The following IFI27 variants were observed in gnomAD, a reference collection of about 807,000 sequenced individuals.
IFI27 encodes the protein interferon alpha inducible protein 27, also known as interferon alpha-inducible protein 27, mitochondrial.
A neutral mutation model predicts 8.9 loss-of-function variants in IFI27; 3 were observed. That is an observed-to-expected ratio of 0.34 (90% CI 0.15 to 0.87). IFI27 has a LOEUF of 0.87. Among genes scored for constraint, IFI27 ranks in the 40% least tolerant of loss-of-function variants. The probability of loss-of-function intolerance (pLI) is 0.51; values close to 1 mark genes in which losing one functional copy is unlikely to be tolerated. For synonymous variants in IFI27, 66 were observed against 67.3 expected (o/e 0.98, Z 0.09); for missense variants, 152 against 157.7 (o/e 0.96, Z 0.19).
In IFI27 at chr14:94,115,750, C is replaced by T. The variant is rs753328899; in HGVS notation, c.122-31C>T. ...TATCTGGGGGGGTCCCTTCTGAGCC[C>T]ACGCACCGACCCAGCTCCTCTTCCC... On this transcript the variant is annotated intron_variant, in intron 3 of 4. Coordinates refer to ENST00000621160, the Ensembl canonical transcript of IFI27. The T allele has an allele frequency of 6.9e-6, 11 of 1,595,126 alleles. No homozygotes were observed. In the South Asian group the frequency reaches 1.0e-4, roughly 15 times the overall value.
chr14:94,109,869 C>G (rs567680939), upstream of IFI27, among the ~76,000 whole-genome samples: 101 of 152,378 alleles, frequency 6.6e-4, no homozygotes, highest in Middle Eastern at 6.8e-3. Context: ...TCCGCCTGTT[C>G]TCAAAGCAGC....
In IFI27 at chr14:94,111,574, C is replaced by T. The variant is rs1239969645; in HGVS notation, c.-58-51C>T. 1.2e-6 allele frequency: 1 copy of T among 853,878 alleles called. No homozygotes were observed. The highest frequency in any genetic ancestry group is 2.6e-5 in the East Asian group (1 of 39,200). The allele number at this position is 853,878 out of a possible 1,614,324, so 52.9% of individuals were successfully genotyped here. On this transcript the variant is annotated intron_variant, in intron 1 of 4. Coordinates refer to ENST00000621160, the Ensembl canonical transcript of IFI27. This position sits in a 1 kb window ranked among gnomAD's most constrained non-coding sequence, Gnocchi z 4.3. Reference sequence around the variant, plus strand: ...TCACATTTTTCAGGACAGTGGGAAGCAAGTCAGGTTGTGTGCCCATCCCGT... The same window carrying T: ...TCACATTTTTCAGGACAGTGGGAAGTAAGTCAGGTTGTGTGCCCATCCCGT...
chr14:94,108,287 C>G (rs139439990), upstream of IFI27, among the ~76,000 whole-genome samples: 2 of 152,108 alleles, frequency 1.3e-5, no homozygotes, highest in African/African-American at 2.4e-5. Context: ...TGAATAGTGC[C>G]GCAATAAACA....
chr14:94,109,225 C>T (rs1887064951), upstream of IFI27, among the ~76,000 whole-genome samples: 1 of 151,450 alleles, frequency 6.6e-6, no homozygotes, highest in Non-Finnish European at 1.5e-5. Context: ...AATCACTCCA[C>T]CGGGAGGTGG....
At position 94,116,140 on chromosome 14, in the gene IFI27, A is replaced by G. The variant is rs1046931961; in HGVS notation, c.283+198A>G. On this transcript the variant is annotated intron_variant, in intron 4 of 4. Coordinates refer to ENST00000621160, the Ensembl canonical transcript of IFI27. The surrounding 1 kb of genome is among the most constrained non-coding windows in gnomAD (Gnocchi z 4.3). The stretch of plus-strand genomic sequence containing the variant: ...AGCCAGGAACAGTGCACTCAGGAAG[A>G]CTCAGCCCGAAGCAGATTTGCTGGG... 28 of 761,820 alleles carry G rather than the reference A, an allele frequency of 3.7e-5. No individual in the cohort carries two copies. The highest frequency in any genetic ancestry group is 6.1e-5 in the Non-Finnish European group (27 of 440,494). 47.2% of individuals were successfully genotyped at this position (761,820 alleles called of 1,614,324 possible). A position where few individuals can be genotyped will look rare whatever the true frequency, so the allele number is the denominator to read the frequency against.
upstream of IFI27, among the ~76,000 whole-genome samples, chr14:94,109,101 C>T (rs916653828): frequency 4.6e-5 from 7 of 151,834 alleles, no homozygotes; most frequent in Non-Finnish European, 7.4e-5. Flanking sequence ...TGAGACCAGC[C>T]GGGCCAACAT....
At position 94,111,805 on chromosome 14, in the gene IFI27, G is replaced by A. The variant is rs1887201164; in HGVS notation, c.91+32G>A. The A allele has an allele frequency of 1.9e-6, 3 of 1,548,024 alleles. No individual in the cohort carries two copies. The highest frequency in any genetic ancestry group is 2.2e-5 in the South Asian group (2 of 89,724). On this transcript the variant is annotated intron_variant, in intron 2 of 4. Transcript: ENST00000621160. The surrounding 1 kb of genome is among the most constrained non-coding windows in gnomAD (Gnocchi z 4.3). ...GTTCCTGGGAGGGGCTGGTGCTGGG[G>A]GCGAGGAGGCGGCTGGGAAGGGCGG...
At position 94,116,376 on chromosome 14, in the gene IFI27, C is replaced by A; in HGVS notation, c.284-66C>A. The A allele has an allele frequency of 8.8e-7, 1 of 1,141,154 alleles. No individual in the cohort carries two copies. The allele number at this position is 1,141,154 out of a possible 1,614,324, so 70.7% of individuals were successfully genotyped here. A position where few individuals can be genotyped will look rare whatever the true frequency, so the allele number is the denominator to read the frequency against. On this transcript the variant is annotated intron_variant, in intron 4 of 4. Transcript: ENST00000621160. The surrounding 1 kb of genome is among the most constrained non-coding windows in gnomAD (Gnocchi z 4.3). ...AGGGTCACTGGAGTCTCTGACCCCACAGTCCTGCCCACAGAGCTTCCCCGA... is the reference window on the plus strand; with the variant it reads ...AGGGTCACTGGAGTCTCTGACCCCAAAGTCCTGCCCACAGAGCTTCCCCGA...
Position 94,111,702 on chromosome 14 carries a change from C to T in IFI27, c.20C>T (p.Thr7Ile), listed in dbSNP as rs774718963. Reference sequence around the variant, plus strand: ...GCAGGCATGGAGGCCTCTGCTCTCACCTCATCAGCAGTGACCAGTGTGGCC... The same window carrying T: ...GCAGGCATGGAGGCCTCTGCTCTCATCTCATCAGCAGTGACCAGTGTGGCC... The change falls in exon 2 of 5, where the codon ACC becomes ATC. Residue 7 changes from threonine to isoleucine, a missense_variant. Transcript: ENST00000621160. The surrounding 1 kb of genome is among the most constrained non-coding windows in gnomAD (Gnocchi z 4.3). The T allele has an allele frequency of 2.5e-6, 4 of 1,614,166 alleles. No homozygotes were observed. Among genetic ancestry groups the T allele is most frequent in the South Asian group, 2.2e-5 (2 of 91,086 alleles).
In IFI27 at chr14:94,111,801, TG is replaced by T. The variant is rs1241444510; in HGVS notation, c.91+33del. On this transcript the variant is annotated intron_variant, in intron 2 of 4. Transcript: ENST00000621160. This position sits in a 1 kb window ranked among gnomAD's most constrained non-coding sequence, Gnocchi z 4.3. Reference sequence around the variant, plus strand: ...GAGTGTTCCTGGGAGGGGCTGGTGCTGGGGGCGAGGAGGCGGCTGGGAAGGG... The same window carrying T: ...GAGTGTTCCTGGGAGGGGCTGGTGCTGGGGCGAGGAGGCGGCTGGGAAGGG... 3 of 1,565,116 alleles carry T rather than the reference TG, an allele frequency of 1.9e-6. No homozygotes were observed. The African/African-American group carries it at 4.1e-5, about 21-fold the overall frequency.
intron 2 of IFI27, chr14:94,112,020 C>T: frequency 1.7e-6 from 1 of 586,894 alleles, no homozygotes; most frequent in South Asian, 2.0e-5. Context: ...CCCGGGCCTC[C>T]TCCTGCCTAG....
Position 94,116,426 on chromosome 14 carries a change from C to G in IFI27, c.284-16C>G. The G allele has an allele frequency of 3.1e-6, 5 of 1,592,076 alleles. No homozygotes were observed. Among genetic ancestry groups the G allele is most frequent in the Non-Finnish European group, 4.3e-6 (5 of 1,163,070 alleles). ...ACAGGCATGTCCCACTCTGTCCACC[C>G]TCTGCTTCTTCCCAGGAGCAACTGG... is the stretch of plus-strand genomic sequence containing the variant. On this transcript the variant is annotated splice_polypyrimidine_tract_variant and intron_variant, in intron 4 of 4. Transcript: ENST00000621160. This position sits in a 1 kb window ranked among gnomAD's most constrained non-coding sequence, Gnocchi z 4.3.
chr14:94,110,753 G>A (rs1306623053), exon 1 of IFI27: 2 of 152,304 alleles, frequency 1.3e-5, no homozygotes, highest in Admixed American at 6.5e-5. Context: ...CCAAGCTTAA[G>A]ACGGTGAGGT....
upstream of IFI27, among the ~76,000 whole-genome samples, chr14:94,107,356 C>G (rs1008261965): frequency 1.3e-5 from 2 of 152,202 alleles, no homozygotes; most frequent in Non-Finnish European, 2.9e-5. Flanking sequence ...CAGGCGTGAG[C>G]CACCACTCCC....
At chr14:94,110,062 C>T (rs1260177250), upstream of IFI27, among the ~76,000 whole-genome samples, 1 of 152,220 alleles carries the variant, frequency 6.6e-6, no homozygotes, top group Non-Finnish European at 1.5e-5. Flanking sequence ...CTCCCCTGCC[C>T]ACCTGCTGAG....
At chr14:94,113,375 GC>G (rs768543495) in intron 2 of IFI27, 2 of 152,232 alleles carry the variant, frequency 1.3e-5, no homozygotes, top group Non-Finnish European at 2.9e-5. Context: ...GGTGGTGCAT[GC>G]CTGTAATCCC....
rs1353577767 is a variant in IFI27 at position 94,111,064 on chromosome 14, AGT to A, written c.-59+270_-59+271del. 3 of 154,360 alleles carry A rather than the reference AGT, an allele frequency of 1.9e-5. No homozygotes were observed. Among genetic ancestry groups the A allele is most frequent in the Non-Finnish European group, 4.4e-5 (3 of 68,250 alleles). The allele number at this position is 154,360 out of a possible 1,614,324, so 9.6% of individuals were successfully genotyped here. A position where few individuals can be genotyped will look rare whatever the true frequency, so the allele number is the denominator to read the frequency against. On this transcript the variant is annotated intron_variant, in intron 1 of 4. Transcript: ENST00000621160. The surrounding 1 kb of genome is among the most constrained non-coding windows in gnomAD (Gnocchi z 4.3). Reference sequence around the variant, plus strand: ...GTAAAGTGGGCAAGGGGAAGAGATAAGTGTTAGGAGGAACCAAGTCGAAGCCA... The same window carrying A: ...GTAAAGTGGGCAAGGGGAAGAGATAAGTTAGGAGGAACCAAGTCGAAGCCA...
Position 94,111,631 on chromosome 14 carries a change from C to A in IFI27, c.-52C>A. ...AGCTCCATCCCTTCGGCAGGTCTGG[C>A]TGAAGTTGAGGATCTCTTACTCTCT... On this transcript the variant is annotated 5_prime_UTR_variant, in exon 2 of 5. It adds an upstream start codon to the 5' untranslated region. Transcript: ENST00000621160. This position sits in a 1 kb window ranked among gnomAD's most constrained non-coding sequence, Gnocchi z 4.3. The A allele has an allele frequency of 6.8e-7, 1 of 1,480,980 alleles. No homozygotes were observed. The highest frequency in any genetic ancestry group is 9.4e-7 in the Non-Finnish European group (1 of 1,059,304). The allele number at this position is 1,480,980 out of a possible 1,614,324, so 91.7% of individuals were successfully genotyped here.
chr14:94,112,623 C>T (rs556362591), intron 2 of IFI27, among the ~76,000 whole-genome samples: 15 of 152,374 alleles, frequency 9.8e-5, no homozygotes, highest in African/African-American at 3.4e-4. Context: ...CCCCTGACTC[C>T]GACCCTGACT....
Sources: allele counts gnomAD v4.1 joint callset (sites outside exome capture counted in the v4.1 genomes callset), GRCh38; gene constraint gnomAD v4.1.1; non-coding constraint Gnocchi (gnomAD v3.1); transcripts MANE v1.5; gene names NCBI Gene and HGNC (gene_info 2026-07-23, HGNC 2026-07-21).